Variants in TBXT observed in about 807,000 individuals in gnomAD.
TBXT encodes T-box transcription factor T, also known as T brachyury transcription factor.
A neutral mutation model predicts 41.1 loss-of-function variants in TBXT; 19 were observed. The ratio of observed to expected loss-of-function variants is 0.46; its 90% CI spans 0.32 to 0.68. The LOEUF (loss-of-function observed/expected upper bound fraction) is 0.68, where lower values mean the gene tolerates loss of function less well. TBXT is among the 30% of genes least tolerant of loss of function. TBXT has a pLI of 0.03. For synonymous variants in TBXT, 213 were observed against 238.9 expected, an observed-to-expected ratio of 0.89 and a Z score of 1.00; for missense variants, 536 against 582.0, an observed-to-expected ratio of 0.92 and a Z score of 0.81.
Position 166,162,454 on chromosome 6 carries a change from A to G in TBXT, c.900T>C (p.Asn300=), listed in dbSNP as rs1288965544. 1 of 1,614,100 alleles carries G rather than the reference A, an allele frequency of 6.2e-7. No homozygotes were observed. The highest frequency in any genetic ancestry group is 1.7e-4 in the Middle Eastern group (1 of 6,060). ...ATGAGGCTGAGGACTCACTTGGAGA[A>G]TTGTTCCGATGAGCATAGGGGCTGG... The part of the protein sequence containing the change: ...PYPSPYAHRN[N]SPTYSDNSPA... The change falls in exon 6 of 8, where the codon AAT becomes AAC. Residue 300 remains asparagine, a synonymous_variant. Coordinates refer to ENST00000366876, the MANE Select transcript of TBXT (RefSeq NM_001366285.2).
intron 3 of TBXT, among the ~76,000 whole-genome samples, chr6:166,165,303 T>C (rs114565070): frequency 6.6e-6 from 1 of 151,914 alleles, no homozygotes; most frequent in East Asian, 1.9e-4. Flanking sequence ...TTGTATCTAG[T>C]TGAGTCTTCA....
At position 166,162,621 on chromosome 6, in the gene TBXT, C is replaced by A. The variant is rs775270433; in HGVS notation, c.733G>T (p.Gly245Trp). ...DSQQPGYSQS[G>W]GWLLPGTSTL... The stretch of plus-strand genomic sequence containing the variant: ...CTGGTTCCAGGAAGAAGCCACCCCC[C>A]TGCTGTGAGAAAAGACAGTGCTGAG... Residue 245 changes from glycine to tryptophan, a missense_variant and splice_region_variant, in exon 6 of 8, where the codon GGG (glycine) becomes TGG (tryptophan). Physicochemically the swap from Gly to Trp is radical, Grantham distance 184. Transcript: ENST00000366876. 1.9e-6 allele frequency: 3 copies of A among 1,610,570 alleles called. No individual in the cohort carries two copies. The highest frequency in any genetic ancestry group is 1.7e-5 in the Admixed American group (1 of 59,348).
In TBXT at chr6:166,158,164, TG is replaced by T. The variant is rs1778839248; in HGVS notation, c.*150del. ...TGGGGCTCTGGGGAAAGGTGCCGTGTGCTCCTCCACTGCTTTGAAAAGGAAG... is the reference window on the plus strand; with the variant it reads ...TGGGGCTCTGGGGAAAGGTGCCGTGTCTCCTCCACTGCTTTGAAAAGGAAG... On this transcript the variant is annotated 3_prime_UTR_variant, in exon 8 of 8. Transcript: ENST00000366876. 5 of 1,201,812 alleles carry T rather than the reference TG, an allele frequency of 4.2e-6. No homozygotes were observed. In the East Asian group the frequency reaches 1.2e-4, roughly 28 times the overall value. The allele number at this position is 1,201,812 out of a possible 1,614,324, so 74.4% of individuals were successfully genotyped here. A position where few individuals can be genotyped will look rare whatever the true frequency, so the allele number is the denominator to read the frequency against.
rs1779125691 is a variant in TBXT at position 166,166,656 on chromosome 6, C to T, written c.407G>A (p.Trp136Ter). 1 of 1,613,956 alleles carries T rather than the reference C, an allele frequency of 6.2e-7. No individual in the cohort carries two copies. Among genetic ancestry groups the T allele is most frequent in the Admixed American group, 1.7e-5 (1 of 60,006 alleles). The change falls in exon 2 of 8, where the codon TGG (tryptophan) becomes TAG (stop). Residue 136 changes from tryptophan (W) to a stop codon, truncating the protein, a stop_gained. Coordinates refer to ENST00000366876, the MANE Select transcript of TBXT (RefSeq NM_001366285.2). LOFTEE classifies it high-confidence loss of function. The part of the protein sequence containing the change: ...HPDSPNFGAH[W>*]MKAPVSFSKV... ...GCTGAAGGAGACGGGAGCCTTCATCCAGTGGGCCCCGAAGTTGGGCGAGTC... is the reference window on the plus strand; with the variant it reads ...GCTGAAGGAGACGGGAGCCTTCATCTAGTGGGCCCCGAAGTTGGGCGAGTC...
At chr6:166,163,615 C>T (rs2128522525) in intron 5 of TBXT, among the ~76,000 whole-genome samples, 1 of 152,350 alleles carries the variant, frequency 6.6e-6, no homozygotes, top group South Asian at 2.1e-4. Context: ...ACTCCCTGAT[C>T]TCAAATGATC....
chr6:166,167,095 G>A (rs1396886748), intron 1 of TBXT, among the ~76,000 whole-genome samples: 1 of 152,232 alleles, frequency 6.6e-6, no homozygotes, highest in Non-Finnish European at 1.5e-5. Flanking sequence ...TTTCAGTGCA[G>A]GAGGCCACAT....
At chr6:166,166,947 G>C in intron 1 of TBXT, 91 bp from the exon 2 acceptor site, 1 of 1,596,760 alleles carries the variant, frequency 6.3e-7, no homozygotes, top group Non-Finnish European at 8.5e-7. Flanking sequence ...AGTTATTTCG[G>C]GGCACAGAGG....
Position 166,167,367 on chromosome 6 carries a change from G to C in TBXT, c.206+19C>G. 6.2e-7 allele frequency: 1 copy of C among 1,611,574 alleles called. No individual in the cohort carries two copies. Among genetic ancestry groups the C allele is most frequent in the South Asian group, 1.1e-5 (1 of 91,044 alleles). On this transcript the variant is annotated intron_variant, in intron 1 of 7. Coordinates refer to ENST00000366876, the MANE Select transcript of TBXT (RefSeq NM_001366285.2). ...GCGCTGGAGAGCGCGGCGCGCGCGG[G>C]CTCCGGACGCGCACCCACCTGCCGT...
Position 166,158,054 on chromosome 6 carries a change from G to A in TBXT, c.*261C>T. ...ACATTTTTTCACCGTCAGTGAGGTT[G>A]GGCCAACTGCATCATCTCCACAGTT... is the stretch of plus-strand genomic sequence containing the variant. On this transcript the variant is annotated 3_prime_UTR_variant, in exon 8 of 8. Transcript: ENST00000366876. 1 of 596,906 alleles carries A rather than the reference G, an allele frequency of 1.7e-6. No individual in the cohort carries two copies. The highest frequency in any genetic ancestry group is 2.9e-6 in the Non-Finnish European group (1 of 339,100). The allele number at this position is 596,906 out of a possible 1,614,324, so 37.0% of individuals were successfully genotyped here.
intron 5 of TBXT, among the ~76,000 whole-genome samples, chr6:166,164,393 A>T (rs1479648515): frequency 6.6e-6 from 1 of 152,262 alleles, no homozygotes; most frequent in Non-Finnish European, 1.5e-5. Context: ...AAAAGCACCC[A>T]GGAGAGTATC....
At chr6:166,166,523 C>A in intron 2 of TBXT, 69 bp downstream of exon 2, 1 of 1,609,528 alleles carries the variant, frequency 6.2e-7, no homozygotes, top group Non-Finnish European at 8.5e-7. Context: ...TTCCCACAAC[C>A]CCCGTGCAGA....
rs1050656998 is a variant in TBXT at position 166,163,192 on chromosome 6, G to A, written c.731-569C>T. ...TGAGAGATGCTGAGAGAGGTGGGGT[G>A]GTGCTTAGACAAGGGTGCCCTCCCC... is the stretch of plus-strand genomic sequence containing the variant. On this transcript the variant is annotated intron_variant, in intron 5 of 7. Coordinates refer to ENST00000366876, the MANE Select transcript of TBXT (RefSeq NM_001366285.2). Among the ~76,000 whole-genome samples, 5 of 152,132 alleles carry A rather than the reference G, an allele frequency of 3.3e-5. No individual in the cohort carries two copies. The South Asian group carries it at 6.2e-4, about 19-fold the overall frequency.
chr6:166,163,118 C>A (rs1030423393), intron 5 of TBXT, among the ~76,000 whole-genome samples: 1 of 152,190 alleles, frequency 6.6e-6, no homozygotes, highest in Non-Finnish European at 1.5e-5. Flanking sequence ...GGCAGGTGAG[C>A]TTTCCTCCAC....
Position 166,167,628 on chromosome 6 carries a change from C to T in TBXT, c.-37G>A. Reference sequence around the variant, plus strand: ...GCTCCCCTCCCCGCCGTCCCCGAAGCCCAGACTCGCTACCTGAGATCCACC... The same window carrying T: ...GCTCCCCTCCCCGCCGTCCCCGAAGTCCAGACTCGCTACCTGAGATCCACC... On this transcript the variant is annotated 5_prime_UTR_variant, in exon 1 of 8. Transcript: ENST00000366876. 6.5e-7 allele frequency: 1 copy of T among 1,538,812 alleles called. No homozygotes were observed. The highest frequency in any genetic ancestry group is 8.7e-7 in the Non-Finnish European group (1 of 1,147,562).
chr6:166,159,165 T>G (rs1778878442), intron 7 of TBXT, among the ~76,000 whole-genome samples: 1 of 152,152 alleles, frequency 6.6e-6, no homozygotes, highest in Non-Finnish European at 1.5e-5. Context: ...AGAGTGAAAC[T>G]CCGTCAAACA....
chr6:166,165,968 G>GA (rs1779098666), intron 2 of TBXT, 128 bp from the exon 3 acceptor site: 2 of 1,437,986 alleles, frequency 1.4e-6, no homozygotes, highest in African/African-American at 2.8e-5. Flanking sequence ...GAGGGAAGTG[G>GA]GGTTCCACCA....
chr6:166,167,262 C>A (rs1328870111), intron 1 of TBXT, 124 bp downstream of exon 1: 2 of 1,105,066 alleles, frequency 1.8e-6, no homozygotes, highest in East Asian at 2.6e-5. Context: ...TTAACCAGAG[C>A]GGGAACAAAC....
intron 2 of TBXT, 136 bp from the exon 3 acceptor site, chr6:166,165,976 C>G: frequency 7.5e-7 from 1 of 1,341,150 alleles, no homozygotes; most frequent in East Asian, 2.3e-5. Context: ...TGGGGTTCCA[C>G]CAGGGGAGGC....
upstream of TBXT, chr6:166,168,647 A>T (rs1010213316): frequency 6.6e-6 from 1 of 152,032 alleles, no homozygotes; most frequent in Non-Finnish European, 1.5e-5. Flanking sequence ...AAGCAAAACA[A>T]CCCCTTCTGA....
Sources: allele counts gnomAD v4.1 joint callset (sites outside exome capture counted in the v4.1 genomes callset), GRCh38; gene constraint gnomAD v4.1.1; transcripts MANE v1.5; gene names NCBI Gene and HGNC (gene_info 2026-07-23, HGNC 2026-07-21).